The following PHF21B variants were observed in gnomAD, a reference collection of about 807,000 sequenced individuals.
The protein encoded by PHF21B is PHD finger protein 4.
Under a neutral mutation model 62.2 loss-of-function variants are expected in PHF21B, and 22 were observed. The observed-to-expected ratio is 0.35, with a 90% CI of 0.25 to 0.51. PHF21B has a LOEUF of 0.51. Among genes scored for constraint, PHF21B ranks in the 20% least tolerant of loss-of-function variants. The pLI, the probability that PHF21B is intolerant of heterozygous loss-of-function variation, is 0.97. For missense variants in PHF21B, 701 were observed against 707.9 expected, an observed-to-expected ratio of 0.99 and a Z score of 0.11; for synonymous variants, 341 against 314.7, an observed-to-expected ratio of 1.08 and a Z score of -0.88.
intron 2 of PHF21B, among the ~76,000 whole-genome samples, chr22:44,977,478 T>A (rs2072758847): frequency 6.6e-6 from 1 of 151,648 alleles, no homozygotes; most frequent in Admixed American, 6.6e-5. Flanking sequence ...GGCAGGAGAA[T>A]CACTTGAACC....
Position 44,937,359 on chromosome 22 carries a change from C to T in PHF21B, c.121-16869G>A, listed in dbSNP as rs576602528. ...CAGAGACGGAGACATCACAGCCAGG[C>T]GGCCACCAGGTGTGAACACAGGTGC... is the stretch of plus-strand genomic sequence containing the variant. On this transcript the variant is annotated intron_variant, in intron 2 of 12. Transcript: ENST00000313237. Among the ~76,000 whole-genome samples, 26 of 152,320 alleles carry T rather than the reference C, an allele frequency of 1.7e-4. 1 individual carries two copies. The highest frequency in any genetic ancestry group is 5.8e-4 in the African/African-American group (24 of 41,580).
At chr22:44,951,201 T>C (rs1243401087) in intron 2 of PHF21B, among the ~76,000 whole-genome samples, 2 of 152,198 alleles carry the variant, frequency 1.3e-5, no homozygotes, top group Non-Finnish European at 2.9e-5. Flanking sequence ...CTTATCTGTA[T>C]TTGCAGCCGT....
intron 4 of PHF21B, among the ~76,000 whole-genome samples, chr22:44,915,481 C>A (rs1034296005): frequency 2.0e-5 from 3 of 152,238 alleles, no homozygotes; most frequent in Admixed American, 1.3e-4. Flanking sequence ...CTGGGATACA[C>A]CTGCCATCCC....
At chr22:45,006,843 T>C (rs1375952961) in intron 2 of PHF21B, among the ~76,000 whole-genome samples, 1 of 149,640 alleles carries the variant, frequency 6.7e-6, no homozygotes, top group Non-Finnish European at 1.5e-5. Context: ...CTGGACCAGA[T>C]CTGGTGGCAG....
chr22:44,989,372 C>A (rs1278615251), intron 2 of PHF21B: 2 of 152,146 alleles, frequency 1.3e-5, no homozygotes, highest in East Asian at 3.9e-4. Context: ...CTGGAAAAGG[C>A]CCACCAGCCC....
intron 5 of PHF21B, among the ~76,000 whole-genome samples, chr22:44,897,805 T>A (rs533297177): frequency 2.1e-4 from 32 of 152,186 alleles, no homozygotes; most frequent in Middle Eastern, 3.4e-3. Context: ...TATTTGGATT[T>A]CTTTAGTCTT....
Position 44,945,347 on chromosome 22 carries a change from G to T in PHF21B, c.121-24857C>A, listed in dbSNP as rs190074768. ...CCTGTGAATGGGGCGATTTAACTCCGTCTGAGTGACATGAAGCATGGGAGG... is the reference window on the plus strand; with the variant it reads ...CCTGTGAATGGGGCGATTTAACTCCTTCTGAGTGACATGAAGCATGGGAGG... On this transcript the variant is annotated intron_variant, in intron 2 of 12. Transcript: ENST00000313237. 3.4e-4 allele frequency among the ~76,000 whole-genome samples: 52 copies of T among 152,316 alleles called. 1 individual carries two copies. In the East Asian group the frequency reaches 9.3e-3, roughly 27 times the overall value.
rs1250143764 is a variant in PHF21B at position 44,904,819 on chromosome 22, G to A, written c.832-8736C>T. 2.1e-5 allele frequency among the ~76,000 whole-genome samples: 2 copies of A among 93,364 alleles called. 1 individual carries two copies. Among genetic ancestry groups the A allele is most frequent in the Non-Finnish European group, 4.4e-5 (2 of 45,518 alleles). 61.3% of individuals were successfully genotyped at this position (93,364 alleles called of 152,430 possible). A position where few individuals can be genotyped will look rare whatever the true frequency, so the allele number is the denominator to read the frequency against. ...AGAAGTCCATCTTGAAGTGCAAAAG[G>A]AAAGGGAGTATCTGAGCTAGTCTTA... On this transcript the variant is annotated intron_variant, in intron 5 of 12. Coordinates refer to ENST00000313237, the MANE Select transcript of PHF21B (RefSeq NM_138415.5).
intron 2 of PHF21B, among the ~76,000 whole-genome samples, chr22:44,933,010 G>A (rs1294423149): frequency 1.3e-5 from 2 of 152,234 alleles, no homozygotes; most frequent in African/African-American, 2.4e-5. Context: ...ATTCTAACAA[G>A]GCACTCGCCA....
At position 44,883,315 on chromosome 22, in the gene PHF21B, G is replaced by C. The variant is rs766100612; in HGVS notation, c.1378-11C>G. 1 of 1,612,226 alleles carries C rather than the reference G, an allele frequency of 6.2e-7. No individual in the cohort carries two copies. Among genetic ancestry groups the C allele is most frequent in the South Asian group, 1.1e-5 (1 of 90,916 alleles). On this transcript the variant is annotated splice_polypyrimidine_tract_variant and intron_variant, in intron 12 of 12. Transcript: ENST00000313237. ...CAACTCCAGGCATTTCTGTTGGGGA[G>C]AAGGTCAGGGGAAAGGGTCTCAGTA...
At position 44,955,360 on chromosome 22, in the gene PHF21B, C is replaced by T. The variant is rs554679172; in HGVS notation, c.121-34870G>A. ...ACCTCAAAGTGAGAAGATGCACTCA[C>T]GGTCCTGTGACGGTTAATTTCACAC... On this transcript the variant is annotated intron_variant, in intron 2 of 12. Coordinates refer to ENST00000313237, the MANE Select transcript of PHF21B (RefSeq NM_138415.5). 1.1e-4 allele frequency among the ~76,000 whole-genome samples: 16 copies of T among 152,340 alleles called. No homozygotes were observed. In the East Asian group the frequency reaches 2.1e-3, roughly 20 times the overall value.
chr22:44,982,146 T>C (rs914900198), intron 2 of PHF21B, among the ~76,000 whole-genome samples: 4 of 152,070 alleles, frequency 2.6e-5, no homozygotes, highest in Admixed American at 2.0e-4. Flanking sequence ...CCAGACTAAG[T>C]CACTTCTCCA....
chr22:45,008,501 C>T (rs372880402), intron 2 of PHF21B, 44 bp downstream of exon 2: 1 of 1,490,900 alleles, frequency 6.7e-7, no homozygotes, highest in Non-Finnish European at 9.0e-7. Flanking sequence ...TGCCCAGCCA[C>T]CCTCCCGCCC....
At chr22:44,965,277 C>T (rs971850650) in intron 2 of PHF21B, among the ~76,000 whole-genome samples, 2 of 152,074 alleles carry the variant, frequency 1.3e-5, no homozygotes, top group African/African-American at 4.8e-5. Flanking sequence ...TGGCCACGCT[C>T]ATCCCCCTCA....
At chr22:44,988,099 CT>C (rs1406373511) in intron 2 of PHF21B, among the ~76,000 whole-genome samples, 1 of 152,292 alleles carries the variant, frequency 6.6e-6, no homozygotes, top group Admixed American at 6.5e-5. Flanking sequence ...GGGAGAACAT[CT>C]TTGTGGAATA....
At chr22:44,883,385 C>A in intron 12 of PHF21B, 81 bp from the exon 13 acceptor site, 2 of 1,328,014 alleles carry the variant, frequency 1.5e-6, no homozygotes, top group Admixed American at 2.0e-5. Context: ...CTGGGCCCCT[C>A]TCCCCTCCAC....
intron 2 of PHF21B, among the ~76,000 whole-genome samples, chr22:44,956,181 GGGTTGGAGAT>G (rs2072293572): frequency 6.6e-6 from 1 of 152,206 alleles, no homozygotes; most frequent in Non-Finnish European, 1.5e-5. Context: ...TGGACTCAAT[GGGTTGGAGAT>G]ACAGGGGAAC....
chr22:44,883,402 G>T, intron 12 of PHF21B, 98 bp from the exon 13 acceptor site: 6 of 1,168,002 alleles, frequency 5.1e-6, no homozygotes, highest in Non-Finnish European at 7.2e-6. Context: ...CCACTACAAA[G>T]GCCTACAAGA....
chr22:44,917,976 C>T lies in PHF21B; in HGVS notation c.214-1346G>A, dbSNP rs370989098. 9.2e-5 allele frequency among the ~76,000 whole-genome samples: 14 copies of T among 152,238 alleles called. No homozygotes were observed. The East Asian group carries it at 2.5e-3, about 27-fold the overall frequency. Reference sequence around the variant, plus strand: ...TGAGCCCGGCCTCCCACATCAGGGCCCTGGCCACACCACGGGCAGGCGATG... The same window carrying T: ...TGAGCCCGGCCTCCCACATCAGGGCTCTGGCCACACCACGGGCAGGCGATG... On this transcript the variant is annotated intron_variant, in intron 3 of 12. Transcript: ENST00000313237.
Sources: gnomAD v4.1 joint callset for allele counts (sites outside exome capture counted in the v4.1 genomes callset) on GRCh38, gnomAD v4.1.1 for gene constraint, MANE v1.5 for transcripts, NCBI Gene and HGNC (gene_info 2026-07-23, HGNC 2026-07-21) for gene names.